The following INAVA variants were observed in gnomAD, a reference collection of about 807,000 sequenced individuals.
INAVA encodes the protein innate immunity activator.
In INAVA, 32 loss-of-function variants were observed where a neutral mutation model predicts 55.3. The observed-to-expected ratio is 0.58, with a 90% confidence interval of 0.44 to 0.78. INAVA has a LOEUF of 0.78. Ranked by LOEUF, INAVA falls within the 30% of genes least tolerant of loss-of-function variation. The probability of loss-of-function intolerance (pLI) is 0.00; values close to 1 mark genes in which losing one functional copy is unlikely to be tolerated. For synonymous variants in INAVA, 294 were observed against 329.4 expected (o/e 0.89, Z 1.16); for missense variants, 756 against 786.4 (o/e 0.96, Z 0.46).
At chr1:200,891,650 T>C, upstream of INAVA, 2 of 1,509,952 alleles carry the variant, frequency 1.3e-6, no homozygotes, top group Non-Finnish European at 1.8e-6. Flanking sequence ...GCTGCGAGGC[T>C]GGAGTGGAGG....
chr1:200,905,773 C>T (rs1653461022), intron 5 of INAVA, among the ~76,000 whole-genome samples: 1 of 152,240 alleles, frequency 6.6e-6, no homozygotes, highest in African/African-American at 2.4e-5. Flanking sequence ...GATTTGACCC[C>T]TGGGCCATAG....
intron 1 of INAVA, among the ~76,000 whole-genome samples, chr1:200,896,090 C>T (rs1366605251): frequency 6.6e-6 from 1 of 152,126 alleles, no homozygotes; most frequent in Admixed American, 6.5e-5. Flanking sequence ...CTAAGGTACC[C>T]CTCTGTCCCT....
At chr1:200,900,501 G>GGT (rs1653197990) in intron 4 of INAVA, among the ~76,000 whole-genome samples, 1 of 152,236 alleles carries the variant, frequency 6.6e-6, no homozygotes, top group Non-Finnish European at 1.5e-5. Context: ...CCAACCCAGC[G>GGT]GGCAATAGCC....
chr1:200,901,501 C>T (rs1166747689), intron 5 of INAVA, among the ~76,000 whole-genome samples: 1 of 152,240 alleles, frequency 6.6e-6, no homozygotes, highest in Non-Finnish European at 1.5e-5. Flanking sequence ...GGCCCCGCTG[C>T]CCTCCAGGCC....
chr1:200,901,156 C>G lies in INAVA; in HGVS notation c.517C>G (p.Arg173Gly). 2 of 1,506,888 alleles carry G rather than the reference C, an allele frequency of 1.3e-6. No homozygotes were observed. Among genetic ancestry groups the G allele is most frequent in the South Asian group, 1.2e-5 (1 of 81,120 alleles). 93.3% of individuals were successfully genotyped at this position (1,506,888 alleles called of 1,614,324 possible). A position where few individuals can be genotyped will look rare whatever the true frequency, so the allele number is the denominator to read the frequency against. ...TCCGGCTGCTGCTCTCCCCCTGGGC[C>G]GAGGTGAGCCGGCTGCCCTGAGGGG... ...PPPAAALPLGRELSASDDSSL... is the reference protein window; with the variant it reads ...PPPAAALPLGGELSASDDSSL... Residue 173 changes from arginine (R) to glycine (G), a missense_variant, in exon 5 of 10, where the codon CGA (arginine) becomes GGA (glycine). Coordinates refer to ENST00000413687, the MANE Select transcript of INAVA (RefSeq NM_001142569.3).
In INAVA at chr1:200,911,687, C is replaced by T. The variant is rs143970773; in HGVS notation, c.1194C>T (p.Leu398=). Residue 398 remains leucine (L), a synonymous_variant, in exon 9 of 10, where the codon CTC becomes CTT. Coordinates refer to ENST00000413687, the MANE Select transcript of INAVA (RefSeq NM_001142569.3). ...CCGACATCTCCTTTCTGCAGCCTCTCTCCCCTCCCAAGACCCATCGTCACC... is the reference window on the plus strand; with the variant it reads ...CCGACATCTCCTTTCTGCAGCCTCTTTCCCCTCCCAAGACCCATCGTCACC... ...SSPDISFLQP[L]SPPKTHRHRG... is the part of the protein sequence containing the mutation. The T allele has an allele frequency of 5.6e-6, 9 of 1,614,010 alleles. No individual in the cohort carries two copies. The highest frequency in any genetic ancestry group is 7.6e-6 in the Non-Finnish European group (9 of 1,179,942).
At chr1:200,895,845 G>T (rs888971588) in intron 1 of INAVA, among the ~76,000 whole-genome samples, 1 of 152,170 alleles carries the variant, frequency 6.6e-6, no homozygotes, top group African/African-American at 2.4e-5. Context: ...CGGGAGGCCT[G>T]GTGACTTCCC....
chr1:200,903,769 A>C (rs1427378503), intron 5 of INAVA, among the ~76,000 whole-genome samples: 9 of 138,228 alleles, frequency 6.5e-5, no homozygotes, highest in African/African-American at 2.5e-4. Context: ...GCACCATTGC[A>C]CTCCAGCCTG....
At chr1:200,895,709 G>C (rs909321503) in intron 1 of INAVA, among the ~76,000 whole-genome samples, 2 of 152,162 alleles carry the variant, frequency 1.3e-5, no homozygotes, top group East Asian at 3.8e-4. Flanking sequence ...GTGAGGGTCC[G>C]CTATGTGGCT....
intron 1 of INAVA, among the ~76,000 whole-genome samples, chr1:200,897,625 C>G (rs1668379903): frequency 6.6e-6 from 1 of 152,126 alleles, no homozygotes; most frequent in African/African-American, 2.4e-5. Flanking sequence ...GATGTCTTCC[C>G]CTTCCTCCTT....
At chr1:200,909,084 C>T (rs1360144483) in intron 7 of INAVA, 140 bp from the exon 8 acceptor site, 4 of 1,300,220 alleles carry the variant, frequency 3.1e-6, no homozygotes, top group Non-Finnish European at 4.2e-6. Flanking sequence ...AGGTGTGAGC[C>T]TTGATAGTTC....
intron 1 of INAVA, among the ~76,000 whole-genome samples, chr1:200,897,290 C>T (rs1668373143): frequency 1.3e-5 from 2 of 152,224 alleles, no homozygotes; most frequent in Non-Finnish European, 2.9e-5. Flanking sequence ...TAGACACAGC[C>T]CTGGGTCTCC....
intron 5 of INAVA, among the ~76,000 whole-genome samples, chr1:200,903,862 C>A (rs1382862378): frequency 6.7e-6 from 1 of 148,364 alleles, no homozygotes; most frequent in Non-Finnish European, 1.5e-5. Context: ...AAATAAAAAA[C>A]CACCCTGCCC....
chr1:200,895,137 C>A, intron 1 of INAVA, 50 bp downstream of exon 1: 1 of 986,118 alleles, frequency 1.0e-6, no homozygotes, highest in Non-Finnish European at 1.2e-6. Flanking sequence ...AGCAGGCTGG[C>A]CTGGGAGTGG....
In INAVA at chr1:200,909,417, G is replaced by A; in HGVS notation, c.959+20G>A. 1.3e-6 allele frequency: 2 copies of A among 1,548,308 alleles called. No individual in the cohort carries two copies. The highest frequency in any genetic ancestry group is 1.8e-6 in the Non-Finnish European group (2 of 1,140,746). On this transcript the variant is annotated intron_variant, in intron 8 of 9. Coordinates refer to ENST00000413687, the MANE Select transcript of INAVA (RefSeq NM_001142569.3). ...TCTGAGGTAAGAGACAGCTTCCCCA[G>A]AGAGATGGGGGACCCACTTAGAGCT... is the stretch of plus-strand genomic sequence containing the variant.
intron 5 of INAVA, among the ~76,000 whole-genome samples, chr1:200,901,838 G>A (rs1030721198): frequency 2.6e-5 from 4 of 152,166 alleles, no homozygotes; most frequent in Admixed American, 6.5e-5. Flanking sequence ...ACTAGTGGCC[G>A]TGGGGGCACC....
intron 5 of INAVA, among the ~76,000 whole-genome samples, chr1:200,902,287 C>T (rs1298722409): frequency 6.6e-6 from 1 of 152,216 alleles, no homozygotes; most frequent in Non-Finnish European, 1.5e-5. Flanking sequence ...CAGCCTATGC[C>T]TCAGGCAGGG....
rs1279475738 is a variant in INAVA, at chr1:200,899,604, C to T, written c.180+7C>T. The T allele has an allele frequency of 5.6e-6, 9 of 1,611,224 alleles. No homozygotes were observed. Among genetic ancestry groups the T allele is most frequent in the Non-Finnish European group, 6.8e-6 (8 of 1,179,304 alleles). On this transcript the variant is annotated splice_region_variant and intron_variant, in intron 3 of 9. Coordinates refer to ENST00000413687, the MANE Select transcript of INAVA (RefSeq NM_001142569.3). ...ACTCTGCCTTCGGGAAGCGGTGAGG[C>T]CCCAGCCAGCACACACAAGCATCGG...
chr1:200,914,056 C>T lies in INAVA; in HGVS notation c.*427C>T. On this transcript the variant is annotated 3_prime_UTR_variant, in exon 10 of 10. Coordinates refer to ENST00000413687, the MANE Select transcript of INAVA (RefSeq NM_001142569.3). ...TGTCCCACTATTGCTGGAGGCTGGA[C>T]ATGGTACATACTCATGCACATGACT... 1 of 183,464 alleles carries T rather than the reference C, an allele frequency of 5.5e-6. No homozygotes were observed. Among genetic ancestry groups the T allele is most frequent in the African/African-American group, 2.4e-5 (1 of 42,414 alleles). The allele number at this position is 183,464 out of a possible 1,614,324, so 11.4% of individuals were successfully genotyped here. A position where few individuals can be genotyped will look rare whatever the true frequency, so the allele number is the denominator to read the frequency against.
Sources: gnomAD v4.1 joint callset for allele counts (sites outside exome capture counted in the v4.1 genomes callset) on GRCh38, gnomAD v4.1.1 for gene constraint, MANE v1.5 for transcripts, NCBI Gene and HGNC (gene_info 2026-07-23, HGNC 2026-07-21) for gene names.